LIG4: variants seen among roughly 807,000 people sequenced by gnomAD.
LIG4 encodes DNA joinase.
A neutral mutation model predicts 19.0 loss-of-function variants in LIG4; 13 were observed. The ratio of observed to expected loss-of-function variants is 0.68; its 90% CI spans 0.44 to 1.09. The LOEUF (loss-of-function observed/expected upper bound fraction) is 1.09. LIG4 is among the 50% of genes least tolerant of loss of function. The pLI is 0.00. For missense variants in LIG4, 1,026 were observed against 1,089.7 expected (o/e 0.94, Z 0.82); for synonymous variants, 361 against 358.2 (o/e 1.01, Z -0.09).
upstream of LIG4, among the ~76,000 whole-genome samples, chr13:108,217,109 T>C (rs999015258): frequency 3.9e-5 from 6 of 152,226 alleles, no homozygotes; most frequent in Admixed American, 3.9e-4. Flanking sequence ...GCCGGGCCAG[T>C]GGCTAATGCC....
In LIG4 at chr13:108,210,485, C is replaced by T; in HGVS notation, c.784G>A (p.Asp262Asn). Reference sequence around the variant, plus strand: ...ATGTAGAAACTCTGATGTTTCATATCCTTCTCAATGTGCTCAATATCTGCA... The same window carrying T: ...ATGTAGAAACTCTGATGTTTCATATTCTTCTCAATGTGCTCAATATCTGCA... The part of the protein sequence containing the change: ...AIADIEHIEK[D>N]MKHQSFYIET... Residue 262 changes from aspartate to asparagine, a missense_variant, in exon 3 of 3, where the codon GAT (aspartate) becomes AAT (asparagine). By Grantham distance (23) the Asp-to-Asn change is conservative. Coordinates refer to ENST00000442234, the MANE Select transcript of LIG4 (RefSeq NM_206937.2). 1 of 1,613,062 alleles carries T rather than the reference C, an allele frequency of 6.2e-7. No individual in the cohort carries two copies. The highest frequency in any genetic ancestry group is 8.5e-7 in the Non-Finnish European group (1 of 1,179,928).
At chr13:108,216,077 AC>A (rs2139000416), upstream of LIG4, among the ~76,000 whole-genome samples, 1 of 152,242 alleles carries the variant, frequency 6.6e-6, no homozygotes, top group East Asian at 1.9e-4. Flanking sequence ...ATAGAAATAA[AC>A]CGTTGCATGA....
chr13:108,208,512 T>A lies in LIG4; in HGVS notation c.*21A>T. The A allele has an allele frequency of 6.7e-7, 1 of 1,503,304 alleles. No homozygotes were observed. The highest frequency in any genetic ancestry group is 9.2e-7 in the Non-Finnish European group (1 of 1,081,384). The allele number at this position is 1,503,304 out of a possible 1,614,324, so 93.1% of individuals were successfully genotyped here. A position where few individuals can be genotyped will look rare whatever the true frequency, so the allele number is the denominator to read the frequency against. On this transcript the variant is annotated 3_prime_UTR_variant, in exon 3 of 3. Transcript: ENST00000442234. ...AATGAGTCTGCCAGATCAGAGGCTTTCCTCACTAGGAAACCTAGCTTTAAA... is the reference window on the plus strand; with the variant it reads ...AATGAGTCTGCCAGATCAGAGGCTTACCTCACTAGGAAACCTAGCTTTAAA...
intron 2 of LIG4, among the ~76,000 whole-genome samples, chr13:108,213,015 C>A (rs1030887238): frequency 5.9e-5 from 9 of 152,124 alleles, no homozygotes; most frequent in Non-Finnish European, 1.3e-4. Context: ...TTACAACAGC[C>A]ATTTGGTGGC....
chr13:108,212,421 C>T (rs979271611), intron 2 of LIG4, among the ~76,000 whole-genome samples: 1 of 152,010 alleles, frequency 6.6e-6, no homozygotes, highest in African/African-American at 2.4e-5. Flanking sequence ...AATATTCATA[C>T]AAGTTCTACT....
At position 108,208,590 on chromosome 13, in the gene LIG4, C is replaced by G; in HGVS notation, c.2679G>C (p.Trp893Cys). ...CACACTTGTCTATTGAATCAGTTAC[C>G]CAACTTTCTTTTAGGATTTTAAACT... ...KRKFKILKES[W>C]VTDSIDKCEL... Residue 893 changes from tryptophan to cysteine, a missense_variant, in exon 3 of 3, where the codon TGG becomes TGC. By Grantham distance (215) the Trp-to-Cys change is radical. This residue lies in a region of LIG4 where 521 missense variants were observed against 515.5 expected (regional missense o/e 1.01). Coordinates refer to ENST00000442234, the MANE Select transcript of LIG4 (RefSeq NM_206937.2). The G allele has an allele frequency of 6.2e-7, 1 of 1,613,072 alleles. No individual in the cohort carries two copies. Among genetic ancestry groups the G allele is most frequent in the Non-Finnish European group, 8.5e-7 (1 of 1,179,392 alleles).
chr13:108,209,171 C>T lies in LIG4; in HGVS notation c.2098G>A (p.Val700Ile), dbSNP rs1304109055. Reference protein sequence around the residue: ...VQNPGPDTYCVIAGSENIRVK... With the variant: ...VQNPGPDTYCIIAGSENIRVK... The stretch of plus-strand genomic sequence containing the variant: ...CTGATGTTCTCAGACCCTGCAATTA[C>T]ACAGTACGTGTCTGGGCCTGGATTT... Residue 700 changes from valine to isoleucine, a missense_variant, in exon 3 of 3, where the codon GTA becomes ATA. By Grantham distance (29) the Val-to-Ile change is conservative. Coordinates refer to ENST00000442234, the MANE Select transcript of LIG4 (RefSeq NM_206937.2). 1 of 1,614,044 alleles carries T rather than the reference C, an allele frequency of 6.2e-7. No individual in the cohort carries two copies. The highest frequency in any genetic ancestry group is 2.2e-5 in the East Asian group (1 of 44,888).
At chr13:108,217,388 G>C (rs181056604), upstream of LIG4, among the ~76,000 whole-genome samples, 2 of 152,098 alleles carry the variant, frequency 1.3e-5, no homozygotes, top group African/African-American at 4.8e-5. Context: ...GCGTGGTGGC[G>C]CATGCCTGTA....
chr13:108,211,096 T>C lies in LIG4; in HGVS notation c.173A>G (p.Lys58Arg). Reference sequence around the variant, plus strand: ...TGGATAAAAAGAGTCTGTGACATCTTTGTGGTTCTTATGAAGAGCATCATG... The same window carrying C: ...TGGATAAAAAGAGTCTGTGACATCTCTGTGGTTCTTATGAAGAGCATCATG... ...KFHDALHKNH[K>R]DVTDSFYPAM... The change falls in exon 3 of 3, where the codon AAA (lysine) becomes AGA (arginine). Residue 58 changes from lysine to arginine, a missense_variant. Physicochemically the swap from Lys to Arg is conservative, Grantham distance 26. Around this residue, in one of 3 missense-constraint regions of LIG4, gnomAD observed 493 missense variants for 544.5 expected, o/e 0.91. Coordinates refer to ENST00000442234, the MANE Select transcript of LIG4 (RefSeq NM_206937.2). 1 of 1,609,558 alleles carries C rather than the reference T, an allele frequency of 6.2e-7. No homozygotes were observed. Among genetic ancestry groups the C allele is most frequent in the Non-Finnish European group, 8.5e-7 (1 of 1,177,042 alleles).
At position 108,210,544 on chromosome 13, in the gene LIG4, A is replaced by G. The variant is rs1878537469; in HGVS notation, c.725T>C (p.Leu242Ser). ...TAGCATTGGTTTAAATGCAGAAAAT[A>G]AAGTGATAGAAATATCACTGAGTCC... ...SVGLSDISIT[L>S]FSAFKPMLAA... The change falls in exon 3 of 3, where the codon TTA (leucine) becomes TCA (serine). Residue 242 changes from leucine to serine, a missense_variant. Physicochemically the swap from Leu to Ser is moderately radical, Grantham distance 145 (BLOSUM62 -2). This residue lies in a region of LIG4 where 493 missense variants were observed against 544.5 expected (regional missense o/e 0.91). Transcript: ENST00000442234. 1 of 1,612,408 alleles carries G rather than the reference A, an allele frequency of 6.2e-7. No individual in the cohort carries two copies. The highest frequency in any genetic ancestry group is 1.1e-5 in the South Asian group (1 of 91,076).
upstream of LIG4, among the ~76,000 whole-genome samples, chr13:108,217,843 G>A (rs1397472992): frequency 6.6e-6 from 1 of 152,218 alleles, no homozygotes; most frequent in African/African-American, 2.4e-5. Context: ...GGGGTTGACA[G>A]CGAAGCTAAT....
rs1339000935 is a variant in LIG4 at position 108,208,791 on chromosome 13, A to C, written c.2478T>G (p.Ile826Met). The C allele has an allele frequency of 1.2e-6, 2 of 1,614,170 alleles. No homozygotes were observed. The highest frequency in any genetic ancestry group is 2.2e-5 in the South Asian group (2 of 91,084). Residue 826 changes from isoleucine (I) to methionine (M), a missense_variant, in exon 3 of 3, where the codon ATT becomes ATG. This residue lies in a region of LIG4 where 521 missense variants were observed against 515.5 expected (regional missense o/e 1.01). Transcript: ENST00000442234. The part of the protein sequence containing the change: ...HTVYLDSYAV[I>M]NDLSTKNEGT... Reference sequence around the variant, plus strand: ...CCTCATTTTTGGTACTCAGGTCATTAATAACAGCATACGAGTCCAAATAAA... The same window carrying C: ...CCTCATTTTTGGTACTCAGGTCATTCATAACAGCATACGAGTCCAAATAAA...
chr13:108,208,058 AG>A lies in LIG4; in HGVS notation c.*474del, dbSNP rs2138963420. Reference sequence around the variant, plus strand: ...TTTAAATGGGACATTTTAAACCCTGAGTAAAAAGACATATTTTTACAAGTCC... The same window carrying A: ...TTTAAATGGGACATTTTAAACCCTGATAAAAAGACATATTTTTACAAGTCC... On this transcript the variant is annotated 3_prime_UTR_variant, in exon 3 of 3. Transcript: ENST00000442234. 6.5e-6 allele frequency: 1 copy of A among 153,298 alleles called. No individual in the cohort carries two copies. Among genetic ancestry groups the A allele is most frequent in the South Asian group, 2.0e-4 (1 of 4,890 alleles). The allele number at this position is 153,298 out of a possible 1,614,324, so 9.5% of individuals were successfully genotyped here.
At chr13:108,212,276 A>C (rs1257033546) in intron 2 of LIG4, among the ~76,000 whole-genome samples, 2 of 152,280 alleles carry the variant, frequency 1.3e-5, no homozygotes, top group African/African-American at 4.8e-5. Context: ...AAAATAAAAC[A>C]AACGTAAAAT....
rs751923480 is a variant in LIG4, at chr13:108,207,529, A to G, written c.*1004T>C. On this transcript the variant is annotated 3_prime_UTR_variant, in exon 3 of 3. Transcript: ENST00000442234. ...TTCCACGGTTTGAATAAAATTTCCA[A>G]TAACTTTCAAATAATGCACACATAG... is the stretch of plus-strand genomic sequence containing the variant. 6.6e-6 allele frequency: 1 copy of G among 152,204 alleles called. No individual in the cohort carries two copies. The highest frequency in any genetic ancestry group is 1.5e-5 in the Non-Finnish European group (1 of 68,032). The allele number at this position is 152,204 out of a possible 1,614,324, so 9.4% of individuals were successfully genotyped here.
chr13:108,210,938 T>C lies in LIG4; in HGVS notation c.331A>G (p.Asn111Asp). Residue 111 changes from asparagine to aspartate, a missense_variant, in exon 3 of 3, where the codon AAC becomes GAC. Asn to Asp is a conservative substitution (Grantham distance 23). Transcript: ENST00000442234. Reference sequence around the variant, plus strand: ...TGAGTTCCAGTGGGTGTTCTGTAGTTTAAAAGTTTGAGGGCATCTTTTCCA... The same window carrying C: ...TGAGTTCCAGTGGGTGTTCTGTAGTCTAAAAGTTTGAGGGCATCTTTTCCA... Reference protein sequence around the residue: ...RDGKDALKLLNYRTPTGTHGD... With the variant: ...RDGKDALKLLDYRTPTGTHGD... 1.2e-6 allele frequency: 2 copies of C among 1,613,888 alleles called. No individual in the cohort carries two copies. Among genetic ancestry groups the C allele is most frequent in the Non-Finnish European group, 1.7e-6 (2 of 1,179,930 alleles).
In LIG4 at chr13:108,209,119, T is replaced by G; in HGVS notation, c.2150A>C (p.Lys717Thr). The G allele has an allele frequency of 1.2e-6, 2 of 1,614,138 alleles. No homozygotes were observed. Among genetic ancestry groups the G allele is most frequent in the South Asian group, 2.2e-5 (2 of 91,086 alleles). The stretch of plus-strand genomic sequence containing the variant: ...CCATGCAGGCTTGACAACATCATGT[T>G]TATTTGACAAAATTATGTTTTTCAC... ...IRVKNIILSN[K>T]HDVVKPAWLL... Residue 717 changes from lysine to threonine, a missense_variant, in exon 3 of 3, where the codon AAA becomes ACA. Coordinates refer to ENST00000442234, the MANE Select transcript of LIG4 (RefSeq NM_206937.2).
chr13:108,210,362 CA>C lies in LIG4; in HGVS notation c.906del (p.Phe302LeufsTer31), dbSNP rs765936816. ...AGAGAACCTTCAGTAGGAGAAGCAC[CA>C]AACTGATCAGTGTAGTTATATCCAT... is the stretch of plus-strand genomic sequence containing the variant. ...SRNGYNYTDQ[F>X]GASPTEGSLT... is the part of the protein sequence containing the mutation. On this transcript the variant is annotated frameshift_variant, in exon 3 of 3. Transcript: ENST00000442234. LOFTEE classifies it low-confidence loss of function (END_TRUNC). The C allele has an allele frequency of 1.2e-6, 2 of 1,613,868 alleles. No individual in the cohort carries two copies. Among genetic ancestry groups the C allele is most frequent in the Admixed American group, 3.3e-5 (2 of 60,018 alleles).
At chr13:108,218,267 G>C (rs977876350), upstream of LIG4, 2 of 152,322 alleles carry the variant, frequency 1.3e-5, no homozygotes, top group African/African-American at 4.8e-5. Flanking sequence ...GTGCTCGGAG[G>C]AGGGTGGAAG....
Sources: allele counts gnomAD v4.1 joint callset (sites outside exome capture counted in the v4.1 genomes callset), GRCh38; gene constraint gnomAD v4.1.1; regional missense constraint gnomAD v4.1.1; transcripts MANE v1.5; gene names NCBI Gene and HGNC (gene_info 2026-07-23, HGNC 2026-07-21).